The following CLIP3 variants were observed in gnomAD, a reference collection of about 807,000 sequenced individuals.
CLIP3 encodes CAP-Gly domain-containing linker protein 3.
Under a neutral mutation model 59.4 loss-of-function variants are expected in CLIP3, and 15 were observed. The observed-to-expected ratio is 0.25, with a 90% CI of 0.17 to 0.39. The LOEUF (loss-of-function observed/expected upper bound fraction) is 0.39. CLIP3 is among the 10% of genes least tolerant of loss of function. CLIP3 has a pLI of 1.00. For missense variants in CLIP3, 495 were observed against 765.7 expected (o/e 0.65, Z 4.17); for synonymous variants, 300 against 321.6 (o/e 0.93, Z 0.72).
chr19:36,032,443 T>G lies in CLIP3; in HGVS notation c.-58-28A>C, dbSNP rs1969291023. On this transcript the variant is annotated intron_variant, in intron 1 of 13. Coordinates refer to ENST00000360535, the MANE Select transcript of CLIP3 (RefSeq NM_015526.3). This position sits in a 1 kb window ranked among gnomAD's most constrained non-coding sequence, Gnocchi z 4.3. Reference sequence around the variant, plus strand: ...GGAGGCAGAGGTCAGCTGGAGAGGGTGCCCGGCAGGCTCCAGGGTCCAAGC... The same window carrying G: ...GGAGGCAGAGGTCAGCTGGAGAGGGGGCCCGGCAGGCTCCAGGGTCCAAGC... 4 of 599,386 alleles carry G rather than the reference T, an allele frequency of 6.7e-6. No homozygotes were observed. In the Admixed American group the frequency reaches 1.3e-4, roughly 20 times the overall value. The allele number at this position is 599,386 out of a possible 1,614,324, so 37.1% of individuals were successfully genotyped here. A position where few individuals can be genotyped will look rare whatever the true frequency, so the allele number is the denominator to read the frequency against.
intron 7 of CLIP3, among the ~76,000 whole-genome samples, chr19:36,020,122 C>G (rs1346111722): frequency 6.6e-6 from 1 of 151,988 alleles, no homozygotes; most frequent in Non-Finnish European, 1.5e-5. Context: ...TGCAGTAGCT[C>G]AAGCCTGTTG....
At chr19:36,019,457 C>CCT in intron 7 of CLIP3, 151 bp from the exon 8 acceptor site, 2 of 848,294 alleles carry the variant, frequency 2.4e-6, no homozygotes, top group Non-Finnish European at 3.8e-6. Flanking sequence ...CATGACTTAA[C>CCT]CTCTGTGTGC....
In CLIP3 at chr19:36,016,359, G is replaced by T; in HGVS notation, c.1590-147C>A. The T allele has an allele frequency of 5.2e-6, 5 of 965,376 alleles. No homozygotes were observed. The highest frequency in any genetic ancestry group is 8.0e-6 in the Non-Finnish European group (5 of 624,052). The allele number at this position is 965,376 out of a possible 1,614,324, so 59.8% of individuals were successfully genotyped here. A position where few individuals can be genotyped will look rare whatever the true frequency, so the allele number is the denominator to read the frequency against. ...CTGGCTGTGGTTTGTTTGTTTGTTTGTTTTCTGAGATGGAGTCTCACTCTG... is the reference window on the plus strand; with the variant it reads ...CTGGCTGTGGTTTGTTTGTTTGTTTTTTTTCTGAGATGGAGTCTCACTCTG... On this transcript the variant is annotated intron_variant, in intron 13 of 13. Transcript: ENST00000360535. This position sits in a 1 kb window ranked among gnomAD's most constrained non-coding sequence, Gnocchi z 4.1.
chr19:36,027,233 C>G lies in CLIP3; in HGVS notation c.205G>C (p.Glu69Gln), dbSNP rs750999064. The change falls in exon 3 of 14, where the codon GAG becomes CAG. Residue 69 changes from glutamate (E) to glutamine (Q), a missense_variant. Glu to Gln is a conservative substitution (Grantham distance 29). Coordinates refer to ENST00000360535, the MANE Select transcript of CLIP3 (RefSeq NM_015526.3). The part of the protein sequence containing the change: ...FFDPNDPACQ[E>Q]ILFDPQTTIP... The stretch of plus-strand genomic sequence containing the variant: ...GTGGTCTGAGGGTCAAACAGGATCT[C>G]CTGGCACGCCGGGTCATTGGGATCG... 6.2e-7 allele frequency: 1 copy of G among 1,612,800 alleles called. No individual in the cohort carries two copies. Among genetic ancestry groups the G allele is most frequent in the Non-Finnish European group, 8.5e-7 (1 of 1,179,430 alleles).
chr19:36,024,984 T>G (rs1372603552), intron 6 of CLIP3, among the ~76,000 whole-genome samples: 1 of 151,286 alleles, frequency 6.6e-6, no homozygotes, highest in African/African-American at 2.4e-5. Context: ...GAGAATCGCT[T>G]GAATCCGGGA....
Position 36,015,390 on chromosome 19 carries a change from T to A in CLIP3, c.*768A>T, listed in dbSNP as rs566489333. On this transcript the variant is annotated 3_prime_UTR_variant, in exon 14 of 14. Coordinates refer to ENST00000360535, the MANE Select transcript of CLIP3 (RefSeq NM_015526.3). ...GTCGTTACTTAAAAAATAGAGAATT[T>A]TCTGGGAGTCTGGCCAGCACAGGAG... The A allele has an allele frequency of 6.6e-6, 1 of 152,610 alleles. No individual in the cohort carries two copies. Among genetic ancestry groups the A allele is most frequent in the East Asian group, 1.9e-4 (1 of 5,178 alleles). The allele number at this position is 152,610 out of a possible 1,614,324, so 9.5% of individuals were successfully genotyped here. A position where few individuals can be genotyped will look rare whatever the true frequency, so the allele number is the denominator to read the frequency against.
At position 36,017,430 on chromosome 19, in the gene CLIP3, G is replaced by A; in HGVS notation, c.1472C>T (p.Ser491Phe). Residue 491 changes from serine to phenylalanine, a missense_variant, in exon 12 of 14, where the codon TCC becomes TTC. Physicochemically the swap from Ser to Phe is radical, Grantham distance 155 (BLOSUM62 -2). Coordinates refer to ENST00000360535, the MANE Select transcript of CLIP3 (RefSeq NM_015526.3). ...TTTGGCTCCAACGCTGTCCCCGGGGGAATCAGTGGATCCGCCAATCCTGAG... is the reference window on the plus strand; with the variant it reads ...TTTGGCTCCAACGCTGTCCCCGGGGAAATCAGTGGATCCGCCAATCCTGAG... ...RIQRIGGSTD[S>F]PGDSVGAKKV... 6.2e-7 allele frequency: 1 copy of A among 1,614,102 alleles called. No homozygotes were observed. Among genetic ancestry groups the A allele is most frequent in the Non-Finnish European group, 8.5e-7 (1 of 1,180,026 alleles).
intron 7 of CLIP3, among the ~76,000 whole-genome samples, chr19:36,023,306 C>T (rs989543935): frequency 1.3e-5 from 2 of 152,148 alleles, no homozygotes; most frequent in Non-Finnish European, 2.9e-5. Flanking sequence ...GCCTTGCTGA[C>T]CTCTCCACCT....
At chr19:36,025,629 C>T (rs1969084933) in intron 6 of CLIP3, among the ~76,000 whole-genome samples, 1 of 150,420 alleles carries the variant, frequency 6.6e-6, no homozygotes, top group Non-Finnish European at 1.5e-5. Context: ...TGAGAGTGGG[C>T]TCCTGTGGTA....
Position 36,026,523 on chromosome 19 carries a change from C to A in CLIP3, c.562+63G>T. The A allele has an allele frequency of 1.3e-6, 2 of 1,598,950 alleles. No homozygotes were observed. The highest frequency in any genetic ancestry group is 8.5e-7 in the Non-Finnish European group (1 of 1,171,278). On this transcript the variant is annotated intron_variant, in intron 5 of 13. Transcript: ENST00000360535. The surrounding 1 kb of genome is among the most constrained non-coding windows in gnomAD (Gnocchi z 6.3). ...TCCTTCCCCTCGCAGCCTGGCCTCA[C>A]CTGGGTCTCCGCGTCCCTCACCCAG...
intron 6 of CLIP3, 108 bp from the exon 7 acceptor site, chr19:36,024,740 AG>A: frequency 9.1e-7 from 1 of 1,094,606 alleles, no homozygotes. Flanking sequence ...GGGTAAGACT[AG>A]GTCATATCCT....
rs1239930522 is a variant in CLIP3, at chr19:36,016,407, G to C, written c.1590-195C>G. 6.6e-6 allele frequency among the ~76,000 whole-genome samples: 1 copy of C among 152,180 alleles called. No homozygotes were observed. The highest frequency in any genetic ancestry group is 2.4e-5 in the African/African-American group (1 of 41,438). ...CTGTCACCCAGGCTGGAGTGCCATG[G>C]CACGATCTCGGCTCACTGCAACCTC... On this transcript the variant is annotated intron_variant, in intron 13 of 13. Coordinates refer to ENST00000360535, the MANE Select transcript of CLIP3 (RefSeq NM_015526.3). This position sits in a 1 kb window ranked among gnomAD's most constrained non-coding sequence, Gnocchi z 4.1.
chr19:36,031,125 A>C lies in CLIP3; in HGVS notation c.166+1067T>G, dbSNP rs560029620. 8.6e-3 allele frequency among the ~76,000 whole-genome samples: 1,159 copies of C among 135,410 alleles called. 3 individuals carry two copies. Among genetic ancestry groups the C allele is most frequent in the Non-Finnish European group, 0.014 (891 of 65,950 alleles). 88.8% of individuals were successfully genotyped at this position (135,410 alleles called of 152,430 possible). On this transcript the variant is annotated intron_variant, in intron 2 of 13. Transcript: ENST00000360535. ...CTGCCTCCCAGGTTCAAGCGATTCT[A>C]CTGCCTCAGCCTCCCGAGTGGCTGG...
intron 9 of CLIP3, among the ~76,000 whole-genome samples, chr19:36,018,309 T>C (rs1250680488): frequency 6.6e-6 from 1 of 152,134 alleles, no homozygotes; most frequent in Non-Finnish European, 1.5e-5. Context: ...CCATGTGCAG[T>C]GGCGCAGGCC....
At chr19:36,019,607 A>ATTTT (rs1413659385) in intron 7 of CLIP3, among the ~76,000 whole-genome samples, 9 of 117,576 alleles carry the variant, frequency 7.7e-5, no homozygotes, top group East Asian at 2.2e-4. Flanking sequence ...TATTTTATTT[A>ATTTT]TTTTTTTTTT....
chr19:36,017,415 A>G lies in CLIP3; in HGVS notation c.1487T>C (p.Val496Ala). ...CACTTGATGCACTTTTTTGGCTCCA[A>G]CGCTGTCCCCGGGGGAATCAGTGGA... ...GGSTDSPGDSVGAKKVHQVTM... is the reference protein window; with the variant it reads ...GGSTDSPGDSAGAKKVHQVTM... The change falls in exon 12 of 14, where the codon GTT (valine) becomes GCT (alanine). Residue 496 changes from valine to alanine, a missense_variant. By Grantham distance (64) the Val-to-Ala change is moderately conservative. Coordinates refer to ENST00000360535, the MANE Select transcript of CLIP3 (RefSeq NM_015526.3). 5.0e-6 allele frequency: 8 copies of G among 1,614,022 alleles called. No individual in the cohort carries two copies. Among genetic ancestry groups the G allele is most frequent in the Non-Finnish European group, 6.8e-6 (8 of 1,179,984 alleles).
chr19:36,032,393 TG>T lies in CLIP3; in HGVS notation c.-37del. 2.6e-6 allele frequency: 3 copies of T among 1,137,088 alleles called. No homozygotes were observed. The highest frequency in any genetic ancestry group is 2.3e-6 in the Non-Finnish European group (2 of 888,616). The allele number at this position is 1,137,088 out of a possible 1,614,324, so 70.4% of individuals were successfully genotyped here. A position where few individuals can be genotyped will look rare whatever the true frequency, so the allele number is the denominator to read the frequency against. The stretch of plus-strand genomic sequence containing the variant: ...GGCCCTCGGGGGGCGGGTGCAGAGT[TG>T]GGGGCAGCCTTCAGGCAAATCCTGG... On this transcript the variant is annotated 5_prime_UTR_variant, in exon 2 of 14. Transcript: ENST00000360535. The surrounding 1 kb of genome is among the most constrained non-coding windows in gnomAD (Gnocchi z 4.3).
rs1302454837 is a variant in CLIP3, at chr19:36,032,518, G to A, written c.-58-103C>T. The A allele has an allele frequency of 2.5e-6, 1 of 398,534 alleles. No homozygotes were observed. Among genetic ancestry groups the A allele is most frequent in the Non-Finnish European group, 4.4e-6 (1 of 227,230 alleles). The allele number at this position is 398,534 out of a possible 1,614,324, so 24.7% of individuals were successfully genotyped here. ...GTGGCCTCCGCGCAACTGGATCTTG[G>A]GCAACCATAGGGACCCCCGTTACCC... is the stretch of plus-strand genomic sequence containing the variant. On this transcript the variant is annotated intron_variant, in intron 1 of 13. Transcript: ENST00000360535. This position sits in a 1 kb window ranked among gnomAD's most constrained non-coding sequence, Gnocchi z 4.3.
At position 36,016,108 on chromosome 19, in the gene CLIP3, T is replaced by C; in HGVS notation, c.*50A>G. 1 of 1,599,716 alleles carries C rather than the reference T, an allele frequency of 6.3e-7. No individual in the cohort carries two copies. Reference sequence around the variant, plus strand: ...AGGGTGACTCAGGGCTCCTCGGGTGTCAGGAGATGCTAGTGGGGACTCTGT... The same window carrying C: ...AGGGTGACTCAGGGCTCCTCGGGTGCCAGGAGATGCTAGTGGGGACTCTGT... On this transcript the variant is annotated 3_prime_UTR_variant, in exon 14 of 14. Transcript: ENST00000360535. The surrounding 1 kb of genome is among the most constrained non-coding windows in gnomAD (Gnocchi z 4.1).
Sources: allele counts gnomAD v4.1 joint callset (sites outside exome capture counted in the v4.1 genomes callset), GRCh38; gene constraint gnomAD v4.1.1; non-coding constraint Gnocchi (gnomAD v3.1); transcripts MANE v1.5; gene names NCBI Gene and HGNC (gene_info 2026-07-23, HGNC 2026-07-21).